VWC2L: variants seen among roughly 807,000 people sequenced by gnomAD.
The protein encoded by VWC2L is von Willebrand factor C domain-containing protein 2-like.
Under a neutral mutation model 21.6 loss-of-function variants are expected in VWC2L, and 10 were observed. The ratio of observed to expected loss-of-function variants is 0.46; its 90% CI spans 0.29 to 0.78. The LOEUF is 0.78. Ranked by LOEUF, VWC2L falls within the 30% of genes least tolerant of loss-of-function variation. The pLI is 0.10. For synonymous variants in VWC2L, 96 were observed against 94.3 expected (o/e 1.02, Z -0.10); for missense variants, 209 against 277.1 (o/e 0.75, Z 1.74).
intron 2 of VWC2L, among the ~76,000 whole-genome samples, chr2:214,427,305 T>C (rs931438863): frequency 6.6e-6 from 1 of 152,196 alleles, no homozygotes; most frequent in African/African-American, 2.4e-5. Context: ...TGCTGAGATG[T>C]AGAAAGCTTC....
intron 3 of VWC2L, among the ~76,000 whole-genome samples, chr2:214,528,575 C>A (rs1398647136): frequency 6.6e-6 from 1 of 151,498 alleles, no homozygotes; most frequent in East Asian, 1.9e-4. Flanking sequence ...AGGGAGTAAT[C>A]TTTTAAATTT....
chr2:214,413,558 A>G (rs1278305888), intron 1 of VWC2L, among the ~76,000 whole-genome samples: 1 of 152,084 alleles, frequency 6.6e-6, no homozygotes, highest in Non-Finnish European at 1.5e-5. Flanking sequence ...TGTTGACGCC[A>G]TTGTTGTTCT....
intron 3 of VWC2L, among the ~76,000 whole-genome samples, chr2:214,544,158 CT>C (rs1485537053): frequency 3.3e-5 from 5 of 152,108 alleles, no homozygotes; most frequent in African/African-American, 4.8e-5. Flanking sequence ...GTTATTTGCT[CT>C]GTGTTTGTGA....
chr2:214,450,868 G>A (rs879761935), intron 3 of VWC2L, among the ~76,000 whole-genome samples: 1 of 152,156 alleles, frequency 6.6e-6, no homozygotes, highest in Non-Finnish European at 1.5e-5. Flanking sequence ...ATTAAGCCCT[G>A]ATATGTTTAG....
In VWC2L at chr2:214,576,112, C is replaced by T. The variant is rs1010347794; in HGVS notation, c.*292C>T. On this transcript the variant is annotated 3_prime_UTR_variant, in exon 4 of 4. Coordinates refer to ENST00000312504, the MANE Select transcript of VWC2L (RefSeq NM_001080500.4). ...ACAAAAAGAAAGAAATAGCCTTGCA[C>T]AGGCTCCTTCCCTGGTAATGCCTCT... 1.6e-5 allele frequency: 3 copies of T among 189,064 alleles called. No individual in the cohort carries two copies. The highest frequency in any genetic ancestry group is 1.2e-4 in the Admixed American group (2 of 17,364). 11.7% of individuals were successfully genotyped at this position (189,064 alleles called of 1,614,324 possible).
At chr2:214,561,809 TACACACAC>T (rs1267186355) in intron 3 of VWC2L, among the ~76,000 whole-genome samples, 5 of 127,172 alleles carry the variant, frequency 3.9e-5, no homozygotes, top group African/African-American at 1.4e-4. Flanking sequence ...TATATATATA[TACACACAC>T]ATATATAATT....
At chr2:214,469,935 G>T (rs2126192259) in intron 3 of VWC2L, among the ~76,000 whole-genome samples, 2 of 152,216 alleles carry the variant, frequency 1.3e-5, no homozygotes, top group Middle Eastern at 6.8e-3. Context: ...CTATGTATCA[G>T]CATTTTTTAA....
intron 3 of VWC2L, among the ~76,000 whole-genome samples, chr2:214,515,025 A>G (rs953874030): frequency 5.3e-5 from 8 of 152,188 alleles, no homozygotes; most frequent in African/African-American, 9.7e-5. Flanking sequence ...GTTAAAATAC[A>G]TCATAAAAAG....
intron 3 of VWC2L, among the ~76,000 whole-genome samples, chr2:214,554,490 C>G (rs1311495468): frequency 1.3e-5 from 2 of 151,978 alleles, no homozygotes; most frequent in Non-Finnish European, 2.9e-5. Context: ...ATGGAGAAAC[C>G]CCATCTCCAC....
At chr2:214,534,348 C>T (rs948152475) in intron 3 of VWC2L, among the ~76,000 whole-genome samples, 7 of 152,216 alleles carry the variant, frequency 4.6e-5, no homozygotes, top group East Asian at 1.9e-4. Flanking sequence ...GAAATTATTG[C>T]ATTTCTTTGG....
intron 3 of VWC2L, among the ~76,000 whole-genome samples, chr2:214,526,308 C>G (rs77410032): frequency 0.033 from 4,952 of 152,094 alleles, 118 homozygotes; most frequent in Middle Eastern, 0.099. Flanking sequence ...CCATGTAGTT[C>G]TATACATATA....
At chr2:214,546,698 A>G (rs1284732107) in intron 3 of VWC2L, among the ~76,000 whole-genome samples, 3 of 152,160 alleles carry the variant, frequency 2.0e-5, no homozygotes, top group Non-Finnish European at 4.4e-5. Flanking sequence ...GCAGTCTTCC[A>G]TCCCTGAACC....
At chr2:214,481,427 G>A (rs1688602284) in intron 3 of VWC2L, among the ~76,000 whole-genome samples, 1 of 152,162 alleles carries the variant, frequency 6.6e-6, no homozygotes, top group Non-Finnish European at 1.5e-5. Flanking sequence ...TCGTGAATGA[G>A]GCTATTTTTA....
intron 3 of VWC2L, among the ~76,000 whole-genome samples, chr2:214,444,065 G>C (rs1366803024): frequency 6.6e-6 from 1 of 151,888 alleles, no homozygotes; most frequent in Non-Finnish European, 1.5e-5. Flanking sequence ...TGTATTAAAA[G>C]AAAAATTTGG....
chr2:214,447,240 G>C (rs961467016), intron 3 of VWC2L, among the ~76,000 whole-genome samples: 3 of 152,150 alleles, frequency 2.0e-5, no homozygotes, highest in East Asian at 3.9e-4. Context: ...CACTGGCTAC[G>C]GGAGAGCCTC....
intron 3 of VWC2L, among the ~76,000 whole-genome samples, chr2:214,492,333 G>C (rs1029862373): frequency 7.9e-5 from 12 of 152,208 alleles, no homozygotes; most frequent in Non-Finnish European, 1.8e-4. Flanking sequence ...GGGAACAGCT[G>C]TTCAAAGAAC....
At chr2:214,480,247 T>C (rs1007755421) in intron 3 of VWC2L, among the ~76,000 whole-genome samples, 4 of 152,202 alleles carry the variant, frequency 2.6e-5, no homozygotes, top group African/African-American at 9.6e-5. Context: ...ATTCCTGATA[T>C]TGTATGGTAA....
Position 214,505,397 on chromosome 2 carries a change from T to C in VWC2L, c.520+68639T>C, listed in dbSNP as rs535480859. Reference sequence around the variant, plus strand: ...CCCTGTACTACTCTATAATTTGTTCTCTTTTTTGCAGTTTTGGGTTTTTTT... The same window carrying C: ...CCCTGTACTACTCTATAATTTGTTCCCTTTTTTGCAGTTTTGGGTTTTTTT... On this transcript the variant is annotated intron_variant, in intron 3 of 3. Coordinates refer to ENST00000312504, the MANE Select transcript of VWC2L (RefSeq NM_001080500.4). 2.6e-5 allele frequency among the ~76,000 whole-genome samples: 4 copies of C among 152,340 alleles called. No homozygotes were observed. The South Asian group carries it at 8.3e-4, about 32-fold the overall frequency.
intron 3 of VWC2L, among the ~76,000 whole-genome samples, chr2:214,520,443 T>G (rs894950492): frequency 6.6e-6 from 1 of 152,218 alleles, no homozygotes; most frequent in Admixed American, 6.5e-5. Flanking sequence ...TATACTCTGG[T>G]TTTTATAAAT....
Sources: gnomAD v4.1 joint callset for allele counts (sites outside exome capture counted in the v4.1 genomes callset) on GRCh38, gnomAD v4.1.1 for gene constraint, MANE v1.5 for transcripts, NCBI Gene and HGNC (gene_info 2026-07-23, HGNC 2026-07-21) for gene names.